PPP1R1B: variants seen among roughly 807,000 people sequenced by gnomAD.
PPP1R1B encodes the protein protein phosphatase 1 regulatory inhibitor subunit 1B.
PPP1R1B carries 13 observed loss-of-function variants against 28.2 expected under a neutral mutation model. The ratio of observed to expected loss-of-function variants is 0.46; its 90% confidence interval spans 0.30 to 0.73. The LOEUF is 0.73. PPP1R1B is among the 30% of genes least tolerant of loss of function. The pLI is 0.07. For missense variants in PPP1R1B, 236 were observed against 256.7 expected, an observed-to-expected ratio of 0.92 and a Z score of 0.55; for synonymous variants, 102 against 97.5, an observed-to-expected ratio of 1.05 and a Z score of -0.27.
In PPP1R1B at chr17:39,635,843, C is replaced by A. The variant is rs79497069; in HGVS notation, c.593C>A (p.Ser198Tyr). ...CCTGGGGAGGAACCTCAGCGCCCTT[C>A]CCCCTCTGAGCCTGGCACATAGGCA... The part of the protein sequence containing the change: ...SEPGEEPQRP[S>Y]PSEPGT Residue 198 changes from serine to tyrosine, a missense_variant, in exon 7 of 7, where the codon TCC becomes TAC. Physicochemically the swap from Ser to Tyr is moderately radical, Grantham distance 144 (BLOSUM62 -2). Coordinates refer to ENST00000254079, the MANE Select transcript of PPP1R1B (RefSeq NM_032192.4). 0.01 allele frequency: 16,459 copies of A among 1,613,446 alleles called. 124 individuals carry two copies. The highest frequency in any genetic ancestry group is 0.012 in the Non-Finnish European group (14,440 of 1,179,994).
At chr17:39,629,054 C>A in intron 1 of PPP1R1B, 116 bp from the exon 2 acceptor site, 1 of 932,898 alleles carries the variant, frequency 1.1e-6, no homozygotes, top group Non-Finnish European at 1.7e-6. Context: ...TTGGCTCTGA[C>A]AGACTTTGAT....
chr17:39,629,953 C>T lies in PPP1R1B; in HGVS notation c.166-19C>T. ...AGGGCCTCTGCTGAGCCCCTTTAAC[C>T]TGGCACTTCCCCTGGCAGAGAGCCT... On this transcript the variant is annotated intron_variant, in intron 3 of 6. Transcript: ENST00000254079. The T allele has an allele frequency of 6.2e-7, 1 of 1,613,596 alleles. No individual in the cohort carries two copies. Among genetic ancestry groups the T allele is most frequent in the Non-Finnish European group, 8.5e-7 (1 of 1,179,532 alleles).
In PPP1R1B at chr17:39,636,024, C is replaced by T. The variant is rs1001310711; in HGVS notation, c.*159C>T. The T allele has an allele frequency of 9.1e-5, 77 of 842,840 alleles. No homozygotes were observed. In the Middle Eastern group the frequency reaches 1.5e-3, roughly 16 times the overall value. The allele number at this position is 842,840 out of a possible 1,614,324, so 52.2% of individuals were successfully genotyped here. ...AGGCTGGTCTGTGTTTGCTTGTTTG[C>T]CCACCTTTGGCTGATACCCAGAGAA... On this transcript the variant is annotated 3_prime_UTR_variant, in exon 7 of 7. Coordinates refer to ENST00000254079, the MANE Select transcript of PPP1R1B (RefSeq NM_032192.4).
chr17:39,636,028 C>A lies in PPP1R1B; in HGVS notation c.*163C>A. 1 of 794,342 alleles carries A rather than the reference C, an allele frequency of 1.3e-6. No individual in the cohort carries two copies. Among genetic ancestry groups the A allele is most frequent in the Non-Finnish European group, 1.9e-6 (1 of 513,124 alleles). The allele number at this position is 794,342 out of a possible 1,614,324, so 49.2% of individuals were successfully genotyped here. A position where few individuals can be genotyped will look rare whatever the true frequency, so the allele number is the denominator to read the frequency against. Reference sequence around the variant, plus strand: ...TGGTCTGTGTTTGCTTGTTTGCCCACCTTTGGCTGATACCCAGAGAACCTG... The same window carrying A: ...TGGTCTGTGTTTGCTTGTTTGCCCAACTTTGGCTGATACCCAGAGAACCTG... On this transcript the variant is annotated 3_prime_UTR_variant, in exon 7 of 7. Transcript: ENST00000254079.
chr17:39,631,501 A>AC (rs1242281225), intron 4 of PPP1R1B, among the ~76,000 whole-genome samples: 2 of 151,644 alleles, frequency 1.3e-5, no homozygotes, highest in Non-Finnish European at 1.5e-5. Context: ...TTGCCTACCA[A>AC]CCCCCCACCT....
chr17:39,627,778 T>C (rs926275540), intron 1 of PPP1R1B, among the ~76,000 whole-genome samples: 2 of 151,826 alleles, frequency 1.3e-5, no homozygotes, highest in African/African-American at 2.4e-5. Context: ...GGGCGTCCTT[T>C]GGTCCCAGCA....
At chr17:39,629,448 GGGGAAAA>G in intron 2 of PPP1R1B, 85 bp from the exon 3 acceptor site, 1 of 1,544,472 alleles carries the variant, frequency 6.5e-7, no homozygotes, top group Non-Finnish European at 8.9e-7. Context: ...TTGAGACCCT[GGGGAAAA>G]TAACTCGGAT....
At chr17:39,631,642 C>G in intron 4 of PPP1R1B, among the ~76,000 whole-genome samples, 1 of 152,172 alleles carries the variant, frequency 6.6e-6, no homozygotes, top group East Asian at 1.9e-4. Context: ...CAGCACCAGC[C>G]AAGGTCAACA....
In PPP1R1B at chr17:39,634,025, T is replaced by C. The variant is rs1567849504; in HGVS notation, c.384T>C (p.Asp128=). Residue 128 remains aspartate (D), a synonymous_variant, in exon 5 of 7, where the codon GAT becomes GAC. Coordinates refer to ENST00000254079, the MANE Select transcript of PPP1R1B (RefSeq NM_032192.4). ...REEDEEEEED[D]EEEEEEEDSQ... is the part of the protein sequence containing the mutation. ...AAGATGAGGAGGAAGAGGAGGATGA[T>C]GAAGAAGAGGAAGAAGAAGAGGACA... 3 of 1,613,788 alleles carry C rather than the reference T, an allele frequency of 1.9e-6. No individual in the cohort carries two copies. Among genetic ancestry groups the C allele is most frequent in the Admixed American group, 3.3e-5 (2 of 60,018 alleles).
chr17:39,635,970 G>GGGAAGA lies in PPP1R1B; in HGVS notation c.*106_*107insGAAGAG. The GGGAAGA allele has an allele frequency of 6.2e-6, 8 of 1,295,974 alleles. No homozygotes were observed. Among genetic ancestry groups the GGGAAGA allele is most frequent in the Admixed American group, 2.0e-5 (1 of 48,812 alleles). The allele number at this position is 1,295,974 out of a possible 1,614,324, so 80.3% of individuals were successfully genotyped here. On this transcript the variant is annotated 3_prime_UTR_variant, in exon 7 of 7. Coordinates refer to ENST00000254079, the MANE Select transcript of PPP1R1B (RefSeq NM_032192.4). ...TTGTGCTCTTCCCCTCGCCTGCTAG[G>GGGAAGA]GCTGCGGCTTCTGACTTCTAGAAGA... is the stretch of plus-strand genomic sequence containing the variant.
intron 1 of PPP1R1B, chr17:39,628,810 GT>G: frequency 1.5e-6 from 1 of 653,328 alleles, no homozygotes; most frequent in Non-Finnish European, 1.9e-6. Flanking sequence ...GAGGTCTGAT[GT>G]TTTCAGAAAC....
intron 4 of PPP1R1B, among the ~76,000 whole-genome samples, chr17:39,630,938 G>A (rs980903650): frequency 9.2e-5 from 14 of 152,138 alleles, no homozygotes; most frequent in African/African-American, 2.9e-4. Context: ...GCGTGGTAGC[G>A]CATGCCTGTC....
At chr17:39,629,481 C>T (rs528342676) in intron 2 of PPP1R1B, 59 bp from the exon 3 acceptor site, 1 of 1,605,262 alleles carries the variant, frequency 6.2e-7, no homozygotes, top group Admixed American at 1.7e-5. Flanking sequence ...CTCTCTCTCC[C>T]TCTTCTCTTT....
intron 1 of PPP1R1B, 117 bp downstream of exon 1, chr17:39,627,590 C>G: frequency 9.3e-6 from 6 of 646,734 alleles, no homozygotes; most frequent in South Asian, 4.1e-5. Context: ...CAAGGAGAGC[C>G]GGGCTCTGCC....
chr17:39,635,518 C>A (rs2144854341), intron 5 of PPP1R1B, 89 bp from the exon 6 acceptor site: 2 of 1,527,028 alleles, frequency 1.3e-6, no homozygotes, highest in South Asian at 2.5e-5. Flanking sequence ...GAAAGCTTAA[C>A]CTCAGCCATC....
intron 4 of PPP1R1B, chr17:39,630,543 G>A (rs2056869842): frequency 6.2e-6 from 1 of 161,746 alleles, no homozygotes; most frequent in African/African-American, 2.4e-5. Flanking sequence ...TCAACACCTA[G>A]TATATGCCAG....
At chr17:39,630,400 G>T (rs556889320) in intron 4 of PPP1R1B, 1 of 318,152 alleles carries the variant, frequency 3.1e-6, no homozygotes, top group Non-Finnish European at 6.1e-6. Context: ...CATCCAGGGC[G>T]CCTTCTCCTG....
chr17:39,626,843 C>G (rs2056841313), upstream of PPP1R1B: 1 of 152,896 alleles, frequency 6.5e-6, no homozygotes, highest in African/African-American at 2.4e-5. Flanking sequence ...ATTCTCCATG[C>G]TCATTGGCCA....
At position 39,627,352 on chromosome 17, in the gene PPP1R1B, C is replaced by T; in HGVS notation, c.-41C>T. On this transcript the variant is annotated 5_prime_UTR_variant, in exon 1 of 7. Transcript: ENST00000254079. Reference sequence around the variant, plus strand: ...CCCAGCACAGACCGCCGCCGGGACCCCGAGTCGCGCACCCCAGCCCCACCG... The same window carrying T: ...CCCAGCACAGACCGCCGCCGGGACCTCGAGTCGCGCACCCCAGCCCCACCG... The T allele has an allele frequency of 6.9e-7, 1 of 1,447,270 alleles. No individual in the cohort carries two copies. The highest frequency in any genetic ancestry group is 1.4e-5 in the African/African-American group (1 of 69,970). 89.7% of individuals were successfully genotyped at this position (1,447,270 alleles called of 1,614,324 possible).
Sources: gnomAD v4.1 joint callset for allele counts (sites outside exome capture counted in the v4.1 genomes callset) on GRCh38, gnomAD v4.1.1 for gene constraint, MANE v1.5 for transcripts, NCBI Gene and HGNC (gene_info 2026-07-23, HGNC 2026-07-21) for gene names.